SP4: variants seen among roughly 807,000 people sequenced by gnomAD.
The protein encoded by SP4 is transcription factor Sp4.
Under a neutral mutation model 72.8 loss-of-function variants are expected in SP4, and 19 were observed. The observed-to-expected ratio is 0.26, with a 90% confidence interval of 0.18 to 0.38. The LOEUF is 0.38. Among genes scored for constraint, SP4 ranks in the 10% least tolerant of loss-of-function variants. SP4 has a pLI of 1.00. For synonymous variants in SP4, 395 were observed against 333.1 expected (o/e 1.19, Z -2.02); for missense variants, 1,008 against 926.3 (o/e 1.09, Z -1.14).
chr7:21,428,546 G>C (rs1307855159), intron 1 of SP4, 131 bp from the exon 2 acceptor site: 2 of 1,002,366 alleles, frequency 2.0e-6, no homozygotes, highest in South Asian at 1.7e-5. Flanking sequence ...CCCCCTGCCG[G>C]TGTGCGTGGA....
At chr7:21,441,295 A>G (rs1783237369) in intron 3 of SP4, among the ~76,000 whole-genome samples, 1 of 152,180 alleles carries the variant, frequency 6.6e-6, no homozygotes. Context: ...ATGGGGACCA[A>G]AGATTGGAAA....
intron 3 of SP4, among the ~76,000 whole-genome samples, chr7:21,451,373 A>G (rs1365143743): frequency 6.6e-6 from 1 of 151,986 alleles, no homozygotes; most frequent in East Asian, 1.9e-4. Flanking sequence ...TGACCACCTG[A>G]TATTCTTGGT....
chr7:21,461,957 A>G (rs1583408738), intron 3 of SP4, among the ~76,000 whole-genome samples: 2 of 151,822 alleles, frequency 1.3e-5, no homozygotes, highest in East Asian at 1.9e-4. Flanking sequence ...TGAAAAGGGT[A>G]TGTGAATGTG....
At chr7:21,432,794 G>T (rs1407572980) in intron 3 of SP4, among the ~76,000 whole-genome samples, 4 of 152,068 alleles carry the variant, frequency 2.6e-5, no homozygotes, top group African/African-American at 7.2e-5. Flanking sequence ...ACTAGTTCAA[G>T]ACCAGCCTGG....
In SP4 at chr7:21,467,049, A is replaced by G. The variant is rs959322234; in HGVS notation, c.1679-10030A>G. 7.9e-5 allele frequency among the ~76,000 whole-genome samples: 12 copies of G among 152,220 alleles called. 1 individual carries two copies. The highest frequency in any genetic ancestry group is 2.9e-4 in the African/African-American group (12 of 41,464). On this transcript the variant is annotated intron_variant, in intron 3 of 5. Coordinates refer to ENST00000222584, the MANE Select transcript of SP4 (RefSeq NM_003112.5). ...GCATAAATGTTAGTTGAGTTATTCC[A>G]GTGCTGAGTTTCAGTGGATTTCTTA... is the stretch of plus-strand genomic sequence containing the variant.
At chr7:21,463,610 A>G (rs1784069886) in intron 3 of SP4, among the ~76,000 whole-genome samples, 1 of 152,210 alleles carries the variant, frequency 6.6e-6, no homozygotes, top group East Asian at 1.9e-4. Flanking sequence ...GAGTTCAAAA[A>G]TAAACGGAGT....
In SP4 at chr7:21,511,310, T is replaced by G. The variant is rs1369477123; in HGVS notation, c.*41T>G. 6.3e-7 allele frequency: 1 copy of G among 1,580,440 alleles called. No homozygotes were observed. Among genetic ancestry groups the G allele is most frequent in the Non-Finnish European group, 8.6e-7 (1 of 1,160,344 alleles). ...AGAGACCTCTAGTGCTGCACTTGTT[T>G]ACACACCTTTGAAAATCTGGAAATG... On this transcript the variant is annotated 3_prime_UTR_variant, in exon 6 of 6. Coordinates refer to ENST00000222584, the MANE Select transcript of SP4 (RefSeq NM_003112.5).
At chr7:21,503,181 G>C (rs1376269450) in intron 5 of SP4, among the ~76,000 whole-genome samples, 1 of 152,150 alleles carries the variant, frequency 6.6e-6, no homozygotes, top group Non-Finnish European at 1.5e-5. Flanking sequence ...AAGAGGTGAA[G>C]TTTGAGTTAG....
intron 3 of SP4, among the ~76,000 whole-genome samples, chr7:21,461,289 G>A (rs888211914): frequency 7.9e-5 from 12 of 152,194 alleles, no homozygotes; most frequent in East Asian, 5.8e-4. Flanking sequence ...AGGAGCCCAC[G>A]GGGGTTGGGG....
chr7:21,442,000 G>T (rs868540274), intron 3 of SP4, among the ~76,000 whole-genome samples: 5 of 86,716 alleles, frequency 5.8e-5, no homozygotes, highest in Non-Finnish European at 9.5e-5. Flanking sequence ...TTATGTGTGT[G>T]TGTGTTTGTG....
At chr7:21,429,054 CT>C (rs1583365153) in intron 2 of SP4, among the ~76,000 whole-genome samples, 1 of 152,160 alleles carries the variant, frequency 6.6e-6, no homozygotes, top group African/African-American at 2.4e-5. Context: ...GAACATAACA[CT>C]TTACAAAGTT....
Position 21,430,858 on chromosome 7 carries a change from CTT to C in SP4, c.1678+19_1678+20del. On this transcript the variant is annotated intron_variant, in intron 3 of 5. Transcript: ENST00000222584. ...TAGTGTTGCAGGTAAGTTCTGACAT[CTT>C]TTTAAGTACCTTTTAAATAGTTTTT... 6.5e-7 allele frequency: 1 copy of C among 1,542,144 alleles called. No individual in the cohort carries two copies. Among genetic ancestry groups the C allele is most frequent in the African/African-American group, 1.4e-5 (1 of 72,996 alleles).
intron 3 of SP4, among the ~76,000 whole-genome samples, chr7:21,451,480 A>G (rs543330698): frequency 2.8e-4 from 42 of 152,174 alleles, no homozygotes; most frequent in African/African-American, 9.6e-4. Context: ...CTTTGGGGAA[A>G]ATGGATGGTC....
chr7:21,457,919 ATG>A (rs1783819977), intron 3 of SP4, among the ~76,000 whole-genome samples: 1 of 152,248 alleles, frequency 6.6e-6, no homozygotes, highest in Non-Finnish European at 1.5e-5. Flanking sequence ...AATACAATTA[ATG>A]TATTTCTAAA....
chr7:21,502,343 T>C (rs147625897), intron 5 of SP4, among the ~76,000 whole-genome samples: 187 of 152,268 alleles, frequency 1.2e-3, no homozygotes, highest in African/African-American at 4.4e-3. Context: ...AGTTCTCCCA[T>C]GGGCTTATTG....
chr7:21,461,223 G>C (rs1783967069), intron 3 of SP4, among the ~76,000 whole-genome samples: 1 of 152,160 alleles, frequency 6.6e-6, no homozygotes, highest in African/African-American at 2.4e-5. Flanking sequence ...GGCAGTCGAT[G>C]GGACCGGGTG....
chr7:21,442,006 TTGTGTGTGTGTGTGTG>T (rs58100749), intron 3 of SP4, among the ~76,000 whole-genome samples: 9 of 130,534 alleles, frequency 6.9e-5, no homozygotes, highest in Admixed American at 6.0e-4. Flanking sequence ...GTGTGTGTGT[TTGTGTGTGTGTGTGTG>T]TGTGTGTGTG....
At chr7:21,441,835 C>G (rs12674126) in intron 3 of SP4, among the ~76,000 whole-genome samples, 7,258 of 152,028 alleles carry the variant, frequency 0.048, 572 homozygotes, top group East Asian at 0.32. Flanking sequence ...GTTCTTTTCC[C>G]CTGCTCTGTA....
chr7:21,450,607 A>C (rs77718509), intron 3 of SP4, among the ~76,000 whole-genome samples: 5,155 of 152,256 alleles, frequency 0.034, 125 homozygotes, highest in African/African-American at 0.071. Flanking sequence ...ATTGTGATAT[A>C]ATTATGGTGG....
Sources: allele counts gnomAD v4.1 joint callset (sites outside exome capture counted in the v4.1 genomes callset), GRCh38; gene constraint gnomAD v4.1.1; transcripts MANE v1.5; gene names NCBI Gene and HGNC (gene_info 2026-07-23, HGNC 2026-07-21).